The following PDE3B variants were observed in gnomAD, a reference collection of about 807,000 sequenced individuals.
PDE3B encodes the protein phosphodiesterase 3B.
PDE3B carries 66 observed loss-of-function variants against 116.8 expected under a neutral mutation model. The ratio of observed to expected loss-of-function variants is 0.56; its 90% confidence interval spans 0.46 to 0.69. PDE3B has a LOEUF of 0.69. Ranked by LOEUF, PDE3B falls within the 30% of genes least tolerant of loss-of-function variation. The probability of loss-of-function intolerance (pLI) is 0.00; values close to 1 mark genes in which losing one functional copy is unlikely to be tolerated. For missense variants in PDE3B, 1,384 were observed against 1,368.1 expected, an observed-to-expected ratio of 1.01 and a Z score of -0.18; for synonymous variants, 595 against 533.6, an observed-to-expected ratio of 1.12 and a Z score of -1.59.
At chr11:14,897,970 G>A in the PDE3B span, among the ~76,000 whole-genome samples, 1 of 152,084 alleles carries the variant, frequency 6.6e-6, no homozygotes, top group Non-Finnish European at 1.5e-5. Context: ...CTAGACTTCT[G>A]GAGAATAGGA....
chr11:14,743,299 C>T (rs868595029), intron 1 of PDE3B, among the ~76,000 whole-genome samples: 1 of 152,204 alleles, frequency 6.6e-6, no homozygotes, highest in Admixed American at 6.5e-5. Flanking sequence ...GCTATAGTGG[C>T]TTTGCCAAGA....
At chr11:14,897,570 G>C in the PDE3B span, among the ~76,000 whole-genome samples, 4 of 152,324 alleles carry the variant, frequency 2.6e-5, no homozygotes, top group Admixed American at 1.3e-4. Context: ...ATCACACTCA[G>C]ATCATGTTCT....
intron 1 of PDE3B, among the ~76,000 whole-genome samples, chr11:14,703,868 G>A (rs1275891637): frequency 6.6e-6 from 1 of 151,622 alleles, no homozygotes; most frequent in African/African-American, 2.4e-5. Flanking sequence ...GAGTCTGTTA[G>A]TGGTAAGTTC....
At chr11:14,756,789 A>G (rs889480333) in intron 1 of PDE3B, among the ~76,000 whole-genome samples, 12 of 116,086 alleles carry the variant, frequency 1.0e-4, no homozygotes, top group Non-Finnish European at 1.8e-5. Flanking sequence ...ACAAGATATC[A>G]TTTTAAGTGC....
At position 14,818,325 on chromosome 11, in the gene PDE3B, G is replaced by C; in HGVS notation, c.1665G>C (p.Leu555=). 1.9e-6 allele frequency: 3 copies of C among 1,613,452 alleles called. No homozygotes were observed. The highest frequency in any genetic ancestry group is 1.7e-6 in the Non-Finnish European group (2 of 1,179,564). Residue 555 remains leucine, a synonymous_variant, in exon 6 of 16, where the codon CTG becomes CTC. Transcript: ENST00000282096. ...NKPSVILQRS[L]GNAPNTPDFY... is the part of the protein sequence containing the mutation. ...CAAGCGTTATCTTGCAGAGATCTCT[G>C]GGCAATGCACCTAATACTCCAGATT...
At chr11:14,736,659 G>A (rs948337589) in intron 1 of PDE3B, among the ~76,000 whole-genome samples, 6 of 152,132 alleles carry the variant, frequency 3.9e-5, no homozygotes, top group African/African-American at 1.4e-4. Flanking sequence ...ACTTACAAAG[G>A]AGATTAGCAA....
the PDE3B span, chr11:14,877,777 C>A: frequency 4.6e-6 from 1 of 217,616 alleles, no homozygotes; most frequent in South Asian, 1.0e-4. Context: ...ACCAAGGCCC[C>A]CCAGGACAGA....
Position 14,644,562 on chromosome 11 carries a change from C to A in PDE3B, c.487C>A (p.Leu163Met). Reference sequence around the variant, plus strand: ...GCTGGCGCTGCCCGCCTGCTGTTACCTGGGGGACTTCTTGGTGTGGCAGTG... The same window carrying A: ...GCTGGCGCTGCCCGCCTGCTGTTACATGGGGGACTTCTTGGTGTGGCAGTG... ...WLLALPACCYLGDFLVWQWWS... is the reference protein window; with the variant it reads ...WLLALPACCYMGDFLVWQWWS... Residue 163 changes from leucine to methionine, a missense_variant, in exon 1 of 16, where the codon CTG becomes ATG. Coordinates refer to ENST00000282096, the MANE Select transcript of PDE3B (RefSeq NM_000922.4). 1 of 1,596,398 alleles carries A rather than the reference C, an allele frequency of 6.3e-7. No individual in the cohort carries two copies. The highest frequency in any genetic ancestry group is 2.3e-5 in the East Asian group (1 of 43,938).
At chr11:14,730,800 G>A (rs1426318256) in intron 1 of PDE3B, among the ~76,000 whole-genome samples, 1 of 152,120 alleles carries the variant, frequency 6.6e-6, no homozygotes, top group Non-Finnish European at 1.5e-5. Flanking sequence ...TATAATGGAA[G>A]GAACAAAAAC....
At chr11:14,706,094 C>A (rs1382570875) in intron 1 of PDE3B, among the ~76,000 whole-genome samples, 1 of 151,444 alleles carries the variant, frequency 6.6e-6, no homozygotes, top group Non-Finnish European at 1.5e-5. Flanking sequence ...CAATAACCTA[C>A]CTTCCTTTTT....
chr11:14,869,325 T>G (rs1290973234), intron 15 of PDE3B, 136 bp from the exon 16 acceptor site: 4 of 421,748 alleles, frequency 9.5e-6, no homozygotes. Flanking sequence ...TATATTATTT[T>G]TATTATACTA....
chr11:14,792,294 C>A (rs890839917), intron 4 of PDE3B, among the ~76,000 whole-genome samples: 1 of 152,152 alleles, frequency 6.6e-6, no homozygotes, highest in Non-Finnish European at 1.5e-5. Flanking sequence ...GTTTAAGACT[C>A]TTCCTTGATG....
In PDE3B at chr11:14,687,788, GTTTA is replaced by G. The variant is rs566160923; in HGVS notation, c.978+42739_978+42742del. Among the ~76,000 whole-genome samples, 158 of 152,214 alleles carry G rather than the reference GTTTA, an allele frequency of 1.0e-3. 1 individual carries two copies. The highest frequency in any genetic ancestry group is 3.6e-3 in the African/African-American group (150 of 41,534). ...GATCATATGGATGACATACAGTTCT[GTTTA>G]TTTGTCAATATCTAATTGATTAGCA... On this transcript the variant is annotated intron_variant, in intron 1 of 15. Coordinates refer to ENST00000282096, the MANE Select transcript of PDE3B (RefSeq NM_000922.4).
intron 4 of PDE3B, among the ~76,000 whole-genome samples, 189 bp downstream of exon 4, chr11:14,789,431 C>A (rs1858317021): frequency 6.6e-6 from 1 of 151,944 alleles, no homozygotes; most frequent in South Asian, 2.1e-4. Context: ...TGTGTCTTGT[C>A]CTAAAACTTT....
chr11:14,882,685 C>T, the PDE3B span, among the ~76,000 whole-genome samples: 1 of 152,052 alleles, frequency 6.6e-6, no homozygotes, highest in Non-Finnish European at 1.5e-5. Flanking sequence ...CTGGCCAGGG[C>T]AATTAGGCAG....
intron 1 of PDE3B, among the ~76,000 whole-genome samples, chr11:14,678,201 T>C (rs1590055479): frequency 6.6e-6 from 1 of 152,140 alleles, no homozygotes; most frequent in Non-Finnish European, 1.5e-5. Context: ...GCTGGGATTA[T>C]AGGCATGAGC....
At chr11:14,737,397 A>G (rs1418220409) in intron 1 of PDE3B, among the ~76,000 whole-genome samples, 2 of 152,236 alleles carry the variant, frequency 1.3e-5, no homozygotes, top group South Asian at 2.1e-4. Context: ...ACAGGGTTTC[A>G]CTGTGTTAGC....
rs144060830 is a variant in PDE3B, at chr11:14,743,143, G to A, written c.979-28794G>A. ...TCAGACCTGGCAGACAGGAACGTTT[G>A]TTTGCTGAAGTTGCACCCACAGCTG... On this transcript the variant is annotated intron_variant, in intron 1 of 15. Coordinates refer to ENST00000282096, the MANE Select transcript of PDE3B (RefSeq NM_000922.4). Among the ~76,000 whole-genome samples, 740 of 152,274 alleles carry A rather than the reference G, an allele frequency of 4.9e-3. 6 individuals are homozygous for A. Among genetic ancestry groups the A allele is most frequent in the Middle Eastern group, 0.014 (4 of 294 alleles).
chr11:14,884,277 A>G, the PDE3B span, among the ~76,000 whole-genome samples: 207 of 152,086 alleles, frequency 1.4e-3, no homozygotes, highest in Admixed American at 4.5e-3. Flanking sequence ...ACTTGGAACC[A>G]ACCCAAAGGT....
Sources: gnomAD v4.1 joint callset for allele counts (sites outside exome capture counted in the v4.1 genomes callset) on GRCh38, gnomAD v4.1.1 for gene constraint, MANE v1.5 for transcripts, NCBI Gene and HGNC (gene_info 2026-07-23, HGNC 2026-07-21) for gene names.